The following CSMD2 variants were observed in gnomAD, a reference collection of about 807,000 sequenced individuals.
CSMD2 encodes the protein CUB and Sushi multiple domains 2.
Under a neutral mutation model 398.5 loss-of-function variants are expected in CSMD2, and 130 were observed. The observed-to-expected ratio is 0.33, with a 90% CI of 0.28 to 0.38. The LOEUF is 0.38. Ranked by LOEUF, CSMD2 falls within the 10% of genes least tolerant of loss-of-function variation. The pLI is 1.00. For missense variants in CSMD2, 3,829 were observed against 4,764.9 expected, an observed-to-expected ratio of 0.80 and a Z score of 5.78; for synonymous variants, 1,828 against 1,908.5, an observed-to-expected ratio of 0.96 and a Z score of 1.10.
intron 9 of CSMD2, among the ~76,000 whole-genome samples, chr1:33,812,257 A>G (rs1656948750): frequency 6.6e-6 from 1 of 152,182 alleles, no homozygotes; most frequent in African/African-American, 2.4e-5. Flanking sequence ...AACATTCACC[A>G]TCAAGCAGAG....
At chr1:34,126,389 G>A (rs2148484111) in intron 1 of CSMD2, among the ~76,000 whole-genome samples, 1 of 152,288 alleles carries the variant, frequency 6.6e-6, no homozygotes, top group Admixed American at 6.5e-5. Context: ...CCTGTAATGG[G>A]GCTAGGCAGA....
At chr1:33,619,123 G>A (rs1470786089) in intron 37 of CSMD2, among the ~76,000 whole-genome samples, 1 of 152,188 alleles carries the variant, frequency 6.6e-6, no homozygotes, top group Non-Finnish European at 1.5e-5. Flanking sequence ...TGGACTTGGA[G>A]GGCACTTGTC....
intron 16 of CSMD2, 144 bp downstream of exon 16, chr1:33,726,403 C>T (rs368033313): frequency 1.1e-6 from 1 of 951,812 alleles, no homozygotes; most frequent in African/African-American, 1.7e-5. Flanking sequence ...TCTGCCCCAC[C>T]CAGGGCAATT....
intron 29 of CSMD2, among the ~76,000 whole-genome samples, chr1:33,643,919 AAGG>A (rs1643264236): frequency 6.6e-6 from 1 of 151,528 alleles, no homozygotes; most frequent in Admixed American, 6.6e-5. Context: ...GGAAGGAAGG[AAGG>A]AAGGAAGGAA....
chr1:33,967,736 GTC>G (rs1213501560), intron 3 of CSMD2, among the ~76,000 whole-genome samples: 1 of 152,198 alleles, frequency 6.6e-6, no homozygotes, highest in African/African-American at 2.4e-5. Flanking sequence ...GGGGCAATGG[GTC>G]TCTGAGAAGA....
At chr1:33,869,779 C>T (rs1474267629) in intron 5 of CSMD2, among the ~76,000 whole-genome samples, 2 of 152,144 alleles carry the variant, frequency 1.3e-5, no homozygotes, top group Non-Finnish European at 2.9e-5. Context: ...AGTTAGCCCT[C>T]CCCACTCTCC....
At chr1:33,708,715 C>G (rs546418217) in intron 22 of CSMD2, among the ~76,000 whole-genome samples, 152 of 152,022 alleles carry the variant, frequency 1.0e-3, no homozygotes, top group Non-Finnish European at 1.9e-3. Flanking sequence ...GACCCTCCCA[C>G]CTCAGCCTAC....
intron 6 of CSMD2, among the ~76,000 whole-genome samples, chr1:33,835,571 G>T (rs1660122219): frequency 8.1e-6 from 1 of 123,010 alleles, no homozygotes; most frequent in Non-Finnish European, 1.6e-5. Context: ...GTTAGTGGGT[G>T]CAGCACACCA....
chr1:33,737,053 G>A (rs927057380), intron 15 of CSMD2, among the ~76,000 whole-genome samples: 7 of 152,138 alleles, frequency 4.6e-5, no homozygotes, highest in South Asian at 2.1e-4. Flanking sequence ...TGCTTTGTAC[G>A]GTGACCTGTT....
At chr1:33,700,963 G>A (rs925030467) in intron 22 of CSMD2, among the ~76,000 whole-genome samples, 4 of 152,158 alleles carry the variant, frequency 2.6e-5, no homozygotes, top group South Asian at 4.1e-4. Flanking sequence ...TCTTGTTCCC[G>A]CAATGCCCAT....
chr1:33,854,891 G>A (rs1483446427), intron 5 of CSMD2, among the ~76,000 whole-genome samples: 4 of 152,300 alleles, frequency 2.6e-5, no homozygotes, highest in African/African-American at 7.2e-5. Context: ...CCAACACGCT[G>A]GGTCTTGTGT....
chr1:33,596,430 C>T (rs148874034), intron 44 of CSMD2, among the ~76,000 whole-genome samples: 1 of 152,300 alleles, frequency 6.6e-6, no homozygotes, highest in Non-Finnish European at 1.5e-5. Context: ...CACACTCCCT[C>T]TTGCCTGACA....
intron 1 of CSMD2, among the ~76,000 whole-genome samples, chr1:34,146,521 G>A (rs1012757065): frequency 1.3e-5 from 2 of 152,182 alleles, no homozygotes; most frequent in Non-Finnish European, 2.9e-5. Context: ...TAGGACAGAT[G>A]TGGGAGGCCA....
chr1:33,698,986 G>A (rs1470342701), intron 23 of CSMD2, 42 bp from the exon 24 acceptor site: 1 of 1,530,340 alleles, frequency 6.5e-7, no homozygotes, highest in Non-Finnish European at 8.9e-7. Flanking sequence ...GACCTATTGT[G>A]GCAGAAACCA....
intron 25 of CSMD2, among the ~76,000 whole-genome samples, chr1:33,664,215 A>G (rs1312008686): frequency 6.6e-6 from 1 of 152,234 alleles, no homozygotes; most frequent in Non-Finnish European, 1.5e-5. Context: ...TATTCAATTA[A>G]TAGTAGGTTT....
intron 13 of CSMD2, among the ~76,000 whole-genome samples, chr1:33,756,363 G>T (rs1235703760): frequency 6.6e-6 from 1 of 152,208 alleles, no homozygotes; most frequent in Admixed American, 6.5e-5. Flanking sequence ...TATGGGATCA[G>T]CAGCCACCAA....
At chr1:34,128,361 A>G (rs1243064490) in intron 1 of CSMD2, among the ~76,000 whole-genome samples, 1 of 152,088 alleles carries the variant, frequency 6.6e-6, no homozygotes, top group Non-Finnish European at 1.5e-5. Context: ...TGGGAATCCC[A>G]TGTCCTTCAA....
intron 25 of CSMD2, among the ~76,000 whole-genome samples, chr1:33,682,767 C>G (rs1015243104): frequency 6.6e-6 from 1 of 152,150 alleles, no homozygotes; most frequent in Non-Finnish European, 1.5e-5. Context: ...TCTGCCTCCC[C>G]CTTTCCCTTC....
intron 5 of CSMD2, among the ~76,000 whole-genome samples, chr1:33,906,164 A>G (rs537022661): frequency 6.6e-6 from 1 of 152,328 alleles, no homozygotes; most frequent in African/African-American, 2.4e-5. Context: ...CAAGAAGGAA[A>G]TCTTTGTGGT....
Sources: allele counts gnomAD v4.1 joint callset (sites outside exome capture counted in the v4.1 genomes callset), GRCh38; gene constraint gnomAD v4.1.1; transcripts MANE v1.5; gene names NCBI Gene and HGNC (gene_info 2026-07-23, HGNC 2026-07-21).